The following LRIG1 variants were observed in gnomAD, a reference collection of about 807,000 sequenced individuals.
LRIG1 encodes leucine-rich repeats and immunoglobulin-like domains protein 1.
LRIG1 carries 48 observed loss-of-function variants against 99.2 expected under a neutral mutation model. That is an observed-to-expected ratio of 0.48 (90% CI 0.38 to 0.62). LRIG1 has a LOEUF of 0.62. Ranked by LOEUF, LRIG1 falls within the 20% of genes least tolerant of loss-of-function variation. The pLI is 0.00. For synonymous variants in LRIG1, 772 were observed against 596.1 expected (o/e 1.29, Z -4.30); for missense variants, 1,646 against 1,434.4 (o/e 1.15, Z -2.38).
intron 13 of LRIG1, among the ~76,000 whole-genome samples, chr3:66,384,503 T>C (rs896130214): frequency 1.3e-5 from 2 of 152,154 alleles, no homozygotes; most frequent in Non-Finnish European, 2.9e-5. Context: ...CTAGGCTGGC[T>C]ATAGTCCCTT....
At position 66,383,046 on chromosome 3, in the gene LRIG1, C is replaced by T. The variant is rs371380110; in HGVS notation, c.2427G>A (p.Leu809=). ...TCTGGTAGATGATGCACACCCAGAC[C>T]AGTGACGTCAGGACGATGCTGCTCA... is the stretch of plus-strand genomic sequence containing the variant. ...AVVSSIVLTS[L]VWVCIIYQTR... Residue 809 remains leucine, a synonymous_variant, in exon 15 of 19, where the codon CTG becomes CTA. Transcript: ENST00000273261. 1 of 1,614,228 alleles carries T rather than the reference C, an allele frequency of 6.2e-7. No homozygotes were observed. The highest frequency in any genetic ancestry group is 1.3e-5 in the African/African-American group (1 of 75,068).
chr3:66,500,161 G>T (rs757958635), intron 1 of LRIG1, 29 bp downstream of exon 1: 111 of 1,492,512 alleles, frequency 7.4e-5, no homozygotes, highest in Middle Eastern at 2.3e-4. Flanking sequence ...GCCCCGGGGC[G>T]CAGAGAGGGC....
At chr3:66,437,349 G>C (rs1703394842) in intron 3 of LRIG1, among the ~76,000 whole-genome samples, 1 of 152,240 alleles carries the variant, frequency 6.6e-6, no homozygotes, top group African/African-American at 2.4e-5. Flanking sequence ...GGCAGAACCA[G>C]GACTCAAACC....
chr3:66,457,781 T>C (rs1201575370), intron 2 of LRIG1, among the ~76,000 whole-genome samples: 2 of 152,214 alleles, frequency 1.3e-5, no homozygotes, highest in East Asian at 1.9e-4. Flanking sequence ...CCACATCATA[T>C]TGAATCCCTA....
intron 2 of LRIG1, among the ~76,000 whole-genome samples, chr3:66,452,369 G>A (rs1427694671): frequency 6.6e-6 from 1 of 152,164 alleles, no homozygotes; most frequent in Non-Finnish European, 1.5e-5. Flanking sequence ...CCAAAGCACG[G>A]CTCGCCTGGT....
At chr3:66,432,197 C>G (rs1185272123) in intron 3 of LRIG1, among the ~76,000 whole-genome samples, 4 of 152,142 alleles carry the variant, frequency 2.6e-5, no homozygotes, top group Admixed American at 2.0e-4. Flanking sequence ...CCACACAGAA[C>G]CTCCTCCTGA....
At chr3:66,449,568 T>A (rs1392849290) in intron 3 of LRIG1, among the ~76,000 whole-genome samples, 1 of 152,148 alleles carries the variant, frequency 6.6e-6, no homozygotes, top group Non-Finnish European at 1.5e-5. Context: ...CAGAGCAAGG[T>A]GCAATTCTAA....
At chr3:66,478,379 G>C (rs1307235622) in intron 1 of LRIG1, among the ~76,000 whole-genome samples, 1 of 152,166 alleles carries the variant, frequency 6.6e-6, no homozygotes, top group Non-Finnish European at 1.5e-5. Context: ...GAGTTTCAGG[G>C]ACATGAGAAA....
At chr3:66,384,335 T>C in intron 13 of LRIG1, 63 bp from the exon 14 acceptor site, 4 of 1,521,512 alleles carry the variant, frequency 2.6e-6, no homozygotes, top group Non-Finnish European at 3.6e-6. Context: ...CAGGAAGTCC[T>C]CTGGCAAACA....
At chr3:66,433,460 T>G (rs1332323767) in intron 3 of LRIG1, among the ~76,000 whole-genome samples, 2 of 152,246 alleles carry the variant, frequency 1.3e-5, no homozygotes, top group Non-Finnish European at 2.9e-5. Flanking sequence ...CATGCCAGCT[T>G]CCTGACAGCT....
intron 3 of LRIG1, among the ~76,000 whole-genome samples, chr3:66,450,841 T>C (rs1390476705): frequency 2.6e-5 from 4 of 152,336 alleles, no homozygotes; most frequent in South Asian, 4.1e-4. Context: ...GAGAAAACTG[T>C]TGGACTCATG....
In LRIG1 at chr3:66,394,199, T is replaced by C; in HGVS notation, c.1309A>G (p.Ile437Val). The C allele has an allele frequency of 6.3e-7, 1 of 1,587,388 alleles. No homozygotes were observed. The highest frequency in any genetic ancestry group is 8.6e-7 in the Non-Finnish European group (1 of 1,168,332). The change falls in exon 12 of 19, where the codon ATC becomes GTC. Residue 437 changes from isoleucine (I) to valine (V), a missense_variant. By Grantham distance (29) the Ile-to-Val change is conservative. Coordinates refer to ENST00000273261, the MANE Select transcript of LRIG1 (RefSeq NM_015541.3). Reference sequence around the variant, plus strand: ...TCACACAGGAAGCTGTCGCTGCTGATATGGCTGAAAGAAACACAACAGTGG... The same window carrying C: ...TCACACAGGAAGCTGTCGCTGCTGACATGGCTGAAAGAAACACAACAGTGG... ...VKMKNLKELH[I>V]SSDSFLCDCQ... is the part of the protein sequence containing the mutation.
intron 1 of LRIG1, among the ~76,000 whole-genome samples, chr3:66,472,053 C>A (rs1029833590): frequency 6.6e-6 from 1 of 152,040 alleles, no homozygotes; most frequent in Admixed American, 6.5e-5. Context: ...GCCTGTAATC[C>A]CAGCACTTTG....
At chr3:66,435,003 G>T (rs911811071) in intron 3 of LRIG1, among the ~76,000 whole-genome samples, 4 of 152,114 alleles carry the variant, frequency 2.6e-5, no homozygotes, top group African/African-American at 9.7e-5. Flanking sequence ...GTTCATAGCA[G>T]TATTTTTTAA....
chr3:66,467,986 C>T (rs1045502491), intron 1 of LRIG1, among the ~76,000 whole-genome samples: 1 of 152,158 alleles, frequency 6.6e-6, no homozygotes, highest in Non-Finnish European at 1.5e-5. Context: ...TCTGAACCAT[C>T]TCAACAAGGG....
intron 4 of LRIG1, among the ~76,000 whole-genome samples, chr3:66,415,681 G>A (rs973225449): frequency 1.1e-4 from 17 of 152,136 alleles, no homozygotes; most frequent in South Asian, 6.2e-4. Context: ...TGATTAAGTC[G>A]GGGCATCTCC....
intron 1 of LRIG1, among the ~76,000 whole-genome samples, chr3:66,464,564 G>A (rs1320900964): frequency 6.6e-6 from 1 of 151,956 alleles, no homozygotes; most frequent in Non-Finnish European, 1.5e-5. Flanking sequence ...TTGGCTTGAG[G>A]ATCGCCAGTT....
chr3:66,497,886 A>G (rs1701264968), intron 1 of LRIG1, among the ~76,000 whole-genome samples: 1 of 152,136 alleles, frequency 6.6e-6, no homozygotes, highest in Non-Finnish European at 1.5e-5. Flanking sequence ...AAACTACAAG[A>G]TATTTCATTA....
In LRIG1 at chr3:66,468,559, C is replaced by T. The variant is rs114927818; in HGVS notation, c.219-6050G>A. On this transcript the variant is annotated intron_variant, in intron 1 of 18. Coordinates refer to ENST00000273261, the MANE Select transcript of LRIG1 (RefSeq NM_015541.3). ...AAGCTTTCAGATGTTTGCTAAACTG[C>T]ATTAATACAGCTGGAAAGTAAGTGT... 5.8e-3 allele frequency among the ~76,000 whole-genome samples: 878 copies of T among 152,274 alleles called. 3 individuals are homozygous for T. Among genetic ancestry groups the T allele is most frequent in the African/African-American group, 0.02 (824 of 41,540 alleles).
Sources: gnomAD v4.1 joint callset for allele counts (sites outside exome capture counted in the v4.1 genomes callset) on GRCh38, gnomAD v4.1.1 for gene constraint, MANE v1.5 for transcripts, NCBI Gene and HGNC (gene_info 2026-07-23, HGNC 2026-07-21) for gene names.